SMYD3: variants seen among roughly 807,000 people sequenced by gnomAD.
SMYD3 encodes the protein SET and MYND domain containing 3, also known as histone-lysine N-methyltransferase SMYD3.
In SMYD3, 36 loss-of-function variants were observed where a neutral mutation model predicts 57.7. The observed-to-expected ratio is 0.62, with a 90% CI of 0.48 to 0.82. SMYD3 has a LOEUF of 0.82. Among genes scored for constraint, SMYD3 ranks in the 40% least tolerant of loss-of-function variants. The pLI is 0.00. For missense variants in SMYD3, 515 were observed against 538.8 expected (o/e 0.96, Z 0.44); for synonymous variants, 211 against 195.0 (o/e 1.08, Z -0.68).
intron 5 of SMYD3, among the ~76,000 whole-genome samples, chr1:246,047,622 A>G (rs1032946275): frequency 6.6e-6 from 1 of 152,176 alleles, no homozygotes; most frequent in African/African-American, 2.4e-5. Flanking sequence ...AGATCATTTG[A>G]GCCTATGAGT....
chr1:245,814,843 TGCACGCACACACACGCAAGCACACAC>T (rs1558376054), intron 10 of SMYD3, among the ~76,000 whole-genome samples: 3 of 147,240 alleles, frequency 2.0e-5, no homozygotes, highest in African/African-American at 7.6e-5. Context: ...CGCACACACA[TGCACGCACACACACGCAAGCACACAC>T]ACACGCACGC....
intron 5 of SMYD3, among the ~76,000 whole-genome samples, chr1:246,271,612 G>A (rs1366864922): frequency 1.3e-5 from 2 of 152,228 alleles, no homozygotes; most frequent in East Asian, 3.9e-4. Context: ...GACCATATAG[G>A]TGAGGTTTTA....
At chr1:245,824,065 G>C (rs1005280238) in intron 10 of SMYD3, among the ~76,000 whole-genome samples, 8 of 152,174 alleles carry the variant, frequency 5.3e-5, no homozygotes, top group African/African-American at 1.7e-4. Context: ...CTCACGACTG[G>C]AGAGTTGTGG....
intron 5 of SMYD3, among the ~76,000 whole-genome samples, chr1:246,090,199 A>T (rs1354571185): frequency 6.6e-6 from 1 of 152,240 alleles, no homozygotes; most frequent in African/African-American, 2.4e-5. Context: ...AGATACAGAA[A>T]AATTCTACAA....
chr1:246,182,525 C>G (rs56227541), intron 5 of SMYD3, among the ~76,000 whole-genome samples: 10,708 of 152,220 alleles, frequency 0.07, 539 homozygotes, highest in African/African-American at 0.13. Context: ...TGGGTCCTCA[C>G]CTAGATATAT....
chr1:245,829,543 G>A (rs948666453), intron 10 of SMYD3, among the ~76,000 whole-genome samples: 1 of 152,132 alleles, frequency 6.6e-6, no homozygotes, highest in African/African-American at 2.4e-5. Flanking sequence ...TTACTGGTGG[G>A]AATGTAAAAT....
At chr1:246,184,868 C>T (rs1278294412) in intron 5 of SMYD3, among the ~76,000 whole-genome samples, 1 of 152,154 alleles carries the variant, frequency 6.6e-6, no homozygotes, top group Non-Finnish European at 1.5e-5. Flanking sequence ...TTATAAATTT[C>T]TGTTTTTTAA....
chr1:245,919,670 TAAA>T (rs971158025), intron 7 of SMYD3, among the ~76,000 whole-genome samples: 3 of 152,310 alleles, frequency 2.0e-5, no homozygotes, highest in Non-Finnish European at 4.4e-5. Flanking sequence ...TAGCCAAAGA[TAAA>T]AACCTTTATT....
chr1:246,443,064 T>C (rs911407762), intron 1 of SMYD3, among the ~76,000 whole-genome samples: 2 of 152,220 alleles, frequency 1.3e-5, no homozygotes, highest in African/African-American at 4.8e-5. Context: ...TTTTGGATTT[T>C]GTATATTCCT....
chr1:246,418,696 G>A (rs551215183), intron 1 of SMYD3, among the ~76,000 whole-genome samples: 86 of 152,170 alleles, frequency 5.7e-4, no homozygotes, highest in East Asian at 4.6e-3. Context: ...GTTTTCTCCC[G>A]GAGTCGGGCG....
intron 5 of SMYD3, among the ~76,000 whole-genome samples, chr1:246,018,005 C>T (rs538536728): frequency 2.0e-5 from 3 of 152,280 alleles, no homozygotes; most frequent in African/African-American, 7.2e-5. Context: ...ACTTCTCTGT[C>T]CCAGCCCTGG....
chr1:245,749,483 G>A lies in SMYD3; in HGVS notation c.*80C>T, dbSNP rs1031223737. On this transcript the variant is annotated 3_prime_UTR_variant, in exon 12 of 12. Coordinates refer to ENST00000490107, the MANE Select transcript of SMYD3 (RefSeq NM_001167740.2). ...ATTTCCAATAGGAGAGGTTCACACA[G>A]CTAACAAAGCATAGAGTGTGTGACC... The A allele has an allele frequency of 1.8e-6, 2 of 1,098,684 alleles. No homozygotes were observed. The highest frequency in any genetic ancestry group is 3.6e-5 in the Admixed American group (2 of 55,118). 68.1% of individuals were successfully genotyped at this position (1,098,684 alleles called of 1,614,324 possible). A position where few individuals can be genotyped will look rare whatever the true frequency, so the allele number is the denominator to read the frequency against.
chr1:246,046,970 A>G (rs966355153), intron 5 of SMYD3, among the ~76,000 whole-genome samples: 2 of 152,074 alleles, frequency 1.3e-5, no homozygotes, highest in Non-Finnish European at 2.9e-5. Flanking sequence ...ACTCTATATA[A>G]CAAACAGAAA....
chr1:246,144,272 C>T (rs763867904), intron 5 of SMYD3, among the ~76,000 whole-genome samples: 41 of 152,212 alleles, frequency 2.7e-4, no homozygotes, highest in Non-Finnish European at 7.3e-5. Context: ...TGGAACCAGC[C>T]TAAAAATTCT....
At chr1:246,109,061 C>A (rs886695712) in intron 5 of SMYD3, among the ~76,000 whole-genome samples, 1 of 152,112 alleles carries the variant, frequency 6.6e-6, no homozygotes, top group African/African-American at 2.4e-5. Context: ...TTTTATTTGT[C>A]TTTTTTCTTC....
chr1:246,410,045 G>A (rs2066937740), intron 1 of SMYD3, among the ~76,000 whole-genome samples: 1 of 152,120 alleles, frequency 6.6e-6, no homozygotes, highest in South Asian at 2.1e-4. Flanking sequence ...TGCTGAAGTT[G>A]CTTATCAGCT....
At chr1:245,955,201 C>G (rs2057796083) in intron 5 of SMYD3, among the ~76,000 whole-genome samples, 1 of 152,204 alleles carries the variant, frequency 6.6e-6, no homozygotes, top group African/African-American at 2.4e-5. Context: ...ACGCCATTCT[C>G]CTGCCTCAGC....
chr1:245,817,126 T>A (rs2048866782), intron 10 of SMYD3, among the ~76,000 whole-genome samples: 1 of 150,880 alleles, frequency 6.6e-6, no homozygotes, highest in South Asian at 2.1e-4. Flanking sequence ...AGCAGTAACC[T>A]CTGCAGACTT....
chr1:245,860,463 A>G (rs1572532542), intron 9 of SMYD3, among the ~76,000 whole-genome samples: 1 of 152,094 alleles, frequency 6.6e-6, no homozygotes, highest in African/African-American at 2.4e-5. Flanking sequence ...TTTCACAGCA[A>G]ATGTATTTTC....
Sources: gnomAD v4.1 joint callset for allele counts (sites outside exome capture counted in the v4.1 genomes callset) on GRCh38, gnomAD v4.1.1 for gene constraint, MANE v1.5 for transcripts, NCBI Gene and HGNC (gene_info 2026-07-23, HGNC 2026-07-21) for gene names.